Variants in NPSR1 observed in about 807,000 individuals in gnomAD.
The protein encoded by NPSR1 is neuropeptide S receptor.
NPSR1 carries 48 observed loss-of-function variants against 46.9 expected under a neutral mutation model. The observed-to-expected ratio is 1.02, with a 90% CI of 0.81 to 1.30. The LOEUF (loss-of-function observed/expected upper bound fraction) is 1.30, where lower values mean the gene tolerates loss of function less well. NPSR1 is among the 50% of genes most tolerant of loss of function. The probability of loss-of-function intolerance (pLI) is 0.00; values close to 1 mark genes in which losing one functional copy is unlikely to be tolerated. For missense variants in NPSR1, 450 were observed against 449.5 expected, an observed-to-expected ratio of 1.00 and a Z score of -0.01; for synonymous variants, 176 against 168.1, an observed-to-expected ratio of 1.05 and a Z score of -0.36.
At chr7:34,814,030 G>A (rs962013075) in intron 4 of NPSR1, among the ~76,000 whole-genome samples, 18 of 152,172 alleles carry the variant, frequency 1.2e-4, no homozygotes, top group East Asian at 3.8e-4. Context: ...TCCAACTGAG[G>A]TGCCTGGTTC....
At chr7:34,695,012 C>T (rs1359128535) in intron 2 of NPSR1, among the ~76,000 whole-genome samples, 1 of 152,002 alleles carries the variant, frequency 6.6e-6, no homozygotes, top group East Asian at 1.9e-4. Context: ...CTAGCATAGC[C>T]AAAGTAATTC....
intron 1 of NPSR1, among the ~76,000 whole-genome samples, chr7:34,674,370 TC>T (rs1792208338): frequency 6.6e-6 from 1 of 152,210 alleles, no homozygotes; most frequent in Admixed American, 6.5e-5. Context: ...CATGTATGTC[TC>T]TGTGTTACAC....
intron 3 of NPSR1, among the ~76,000 whole-genome samples, chr7:34,797,335 A>G (rs780712567): frequency 6.6e-6 from 1 of 152,202 alleles, no homozygotes; most frequent in African/African-American, 2.4e-5. Context: ...ACTTTGGGTG[A>G]TAATGATGTG....
Position 34,703,112 on chromosome 7 carries a change from C to A in NPSR1, c.280+18428C>A, listed in dbSNP as rs138985797. Reference sequence around the variant, plus strand: ...CGGTGGCTCATGCCTGTAATCCCACCACTTTGGGAGGCCAAGGCGGGCGGA... The same window carrying A: ...CGGTGGCTCATGCCTGTAATCCCACAACTTTGGGAGGCCAAGGCGGGCGGA... On this transcript the variant is annotated intron_variant, in intron 2 of 8. Transcript: ENST00000360581. 5.1e-4 allele frequency among the ~76,000 whole-genome samples: 77 copies of A among 152,324 alleles called. No individual in the cohort carries two copies. The Middle Eastern group carries it at 0.024, about 47-fold the overall frequency.
chr7:34,858,314 T>C (rs977651748), intron 8 of NPSR1, among the ~76,000 whole-genome samples: 1 of 151,662 alleles, frequency 6.6e-6, no homozygotes, highest in East Asian at 1.9e-4. Flanking sequence ...AATAGATAAA[T>C]AAATTATGGT....
chr7:34,834,931 T>C lies in NPSR1; in HGVS notation c.757+471T>C, dbSNP rs1056001371. 2.6e-5 allele frequency among the ~76,000 whole-genome samples: 4 copies of C among 152,226 alleles called. No homozygotes were observed. The East Asian group carries it at 7.7e-4, about 29-fold the overall frequency. On this transcript the variant is annotated intron_variant, in intron 6 of 8. Transcript: ENST00000360581. The stretch of plus-strand genomic sequence containing the variant: ...TAGCCAGTAAAGGCACGGTAGTCCA[T>C]GCTTTCCCAACTGACACACCAATTC...
chr7:34,873,906 C>A (rs1326262852), intron 8 of NPSR1, among the ~76,000 whole-genome samples: 2 of 151,652 alleles, frequency 1.3e-5, no homozygotes, highest in Non-Finnish European at 2.9e-5. Context: ...ATCATTCAAC[C>A]TCCCCTGAGT....
intron 2 of NPSR1, among the ~76,000 whole-genome samples, chr7:34,760,103 A>G (rs1394600521): frequency 6.6e-6 from 1 of 152,228 alleles, no homozygotes; most frequent in African/African-American, 2.4e-5. Flanking sequence ...GCTGGCATGC[A>G]TTATAGCAAA....
chr7:34,735,947 A>G (rs752578604), intron 2 of NPSR1, among the ~76,000 whole-genome samples: 1 of 152,248 alleles, frequency 6.6e-6, no homozygotes, highest in South Asian at 2.1e-4. Flanking sequence ...ATAGAAAATT[A>G]TATATGCACC....
At chr7:34,661,913 G>A (rs1791470775) in intron 1 of NPSR1, among the ~76,000 whole-genome samples, 1 of 152,154 alleles carries the variant, frequency 6.6e-6, no homozygotes, top group Non-Finnish European at 1.5e-5. Flanking sequence ...CAGCTCATCA[G>A]AAAATAAATG....
chr7:34,788,181 T>A (rs1054350864), intron 3 of NPSR1, among the ~76,000 whole-genome samples: 5 of 116,812 alleles, frequency 4.3e-5, no homozygotes, highest in Non-Finnish European at 1.1e-4. Context: ...GTAATCAGAG[T>A]TAAGTTATCA....
intron 3 of NPSR1, 59 bp downstream of exon 3, chr7:34,778,624 T>A: frequency 2.8e-6 from 3 of 1,088,580 alleles, no homozygotes; most frequent in Non-Finnish European, 4.2e-6. Context: ...GCTTTTAGAT[T>A]TATCTAAGGA....
intron 8 of NPSR1, among the ~76,000 whole-genome samples, chr7:34,872,384 C>T (rs1318996028): frequency 6.6e-6 from 1 of 151,976 alleles, no homozygotes; most frequent in African/African-American, 2.4e-5. Flanking sequence ...TCTAAAGTGC[C>T]TTCAAGGCCT....
At chr7:34,857,778 G>A (rs994059512) in intron 8 of NPSR1, among the ~76,000 whole-genome samples, 1 of 151,232 alleles carries the variant, frequency 6.6e-6, no homozygotes, top group Non-Finnish European at 1.5e-5. Flanking sequence ...AATGGAAAAT[G>A]ACATTTGCAA....
intron 2 of NPSR1, among the ~76,000 whole-genome samples, chr7:34,773,107 A>G (rs2128734141): frequency 6.6e-6 from 1 of 152,274 alleles, no homozygotes; most frequent in African/African-American, 2.4e-5. Flanking sequence ...AGTGATGTTA[A>G]CTTAGGCCAT....
At chr7:34,760,195 T>C (rs1178948278) in intron 2 of NPSR1, among the ~76,000 whole-genome samples, 1 of 152,228 alleles carries the variant, frequency 6.6e-6, no homozygotes, top group Non-Finnish European at 1.5e-5. Context: ...AAAACATTAT[T>C]CTAGCAAGTT....
chr7:34,824,136 T>C (rs1278765201), intron 4 of NPSR1, among the ~76,000 whole-genome samples: 5 of 152,220 alleles, frequency 3.3e-5, no homozygotes, highest in African/African-American at 1.2e-4. Flanking sequence ...ATGTATTATA[T>C]ATGCATGCGT....
chr7:34,877,624 G>T (rs1483618813), intron 8 of NPSR1, among the ~76,000 whole-genome samples: 1 of 152,210 alleles, frequency 6.6e-6, no homozygotes, highest in African/African-American at 2.4e-5. Flanking sequence ...AGGCAGAGGG[G>T]TCAGTTGGCT....
chr7:34,828,950 T>G (rs2128757056), intron 5 of NPSR1, among the ~76,000 whole-genome samples: 1 of 152,338 alleles, frequency 6.6e-6, no homozygotes, highest in South Asian at 2.1e-4. Context: ...GGTAGCACTA[T>G]TACCTTACTA....
Sources: gnomAD v4.1 joint callset for allele counts (sites outside exome capture counted in the v4.1 genomes callset) on GRCh38, gnomAD v4.1.1 for gene constraint, MANE v1.5 for transcripts, NCBI Gene and HGNC (gene_info 2026-07-23, HGNC 2026-07-21) for gene names.